Variants in EYA1 observed in about 807,000 individuals in gnomAD.
The protein encoded by EYA1 is protein phosphatase EYA1.
EYA1 carries 16 observed loss-of-function variants against 82.0 expected under a neutral mutation model. The ratio of observed to expected loss-of-function variants is 0.20; its 90% CI spans 0.13 to 0.30. EYA1 has a LOEUF of 0.30. EYA1 is among the 10% of genes least tolerant of loss of function. The pLI is 1.00. For missense variants in EYA1, 633 were observed against 730.7 expected (o/e 0.87, Z 1.54); for synonymous variants, 261 against 264.4 (o/e 0.99, Z 0.12).
At chr8:71,317,444 A>C in intron 7 of EYA1, 108 bp downstream of exon 7, 1 of 1,204,970 alleles carries the variant, frequency 8.3e-7, no homozygotes, top group South Asian at 1.2e-5. Context: ...TCTAAGCCCA[A>C]TCCAGTTGCC....
At chr8:71,350,830 A>G (rs941526090) in intron 3 of EYA1, among the ~76,000 whole-genome samples, 5 of 152,204 alleles carry the variant, frequency 3.3e-5, no homozygotes, top group African/African-American at 4.8e-5. Context: ...TGGACTTAAG[A>G]CAACCAGCGA....
intron 2 of EYA1, among the ~76,000 whole-genome samples, chr8:71,496,778 G>T (rs538675806): frequency 6.6e-6 from 1 of 152,058 alleles, no homozygotes; most frequent in African/African-American, 2.4e-5. Context: ...AGGAACCATG[G>T]GGAAACCAAT....
intron 12 of EYA1, among the ~76,000 whole-genome samples, chr8:71,236,467 G>A (rs1224430765): frequency 6.6e-6 from 1 of 152,030 alleles, no homozygotes; most frequent in Admixed American, 6.6e-5. Context: ...ACAATAAATT[G>A]TCTTAAAACA....
chr8:71,517,770 G>GAT (rs1260336663), intron 2 of EYA1, among the ~76,000 whole-genome samples: 2 of 148,596 alleles, frequency 1.3e-5, no homozygotes, highest in South Asian at 4.2e-4. Flanking sequence ...ATAATTTGGA[G>GAT]ATATATATAT....
At chr8:71,503,272 G>C (rs531562731) in intron 2 of EYA1, among the ~76,000 whole-genome samples, 1 of 152,138 alleles carries the variant, frequency 6.6e-6, no homozygotes, top group East Asian at 1.9e-4. Flanking sequence ...GAGGCAGGTG[G>C]ATCACGAGGT....
At chr8:71,246,810 G>A (rs1813150718) in intron 11 of EYA1, among the ~76,000 whole-genome samples, 1 of 152,180 alleles carries the variant, frequency 6.6e-6, no homozygotes, top group African/African-American at 2.4e-5. Flanking sequence ...TGGGAGCGGA[G>A]CCTTGCTGGG....
intron 11 of EYA1, among the ~76,000 whole-genome samples, chr8:71,249,677 A>T (rs1300187592): frequency 6.6e-6 from 1 of 152,110 alleles, no homozygotes. Context: ...TCCATCTCTC[A>T]TTCTGTTCAG....
At chr8:71,463,799 G>A (rs1808586104) in intron 2 of EYA1, among the ~76,000 whole-genome samples, 1 of 151,900 alleles carries the variant, frequency 6.6e-6, no homozygotes, top group African/African-American at 2.4e-5. Flanking sequence ...CATTCCCTTG[G>A]ACCGTTGCTG....
chr8:71,442,252 G>A (rs748702349), intron 2 of EYA1, among the ~76,000 whole-genome samples: 31 of 152,142 alleles, frequency 2.0e-4, no homozygotes, highest in African/African-American at 5.1e-4. Context: ...TCTTCCAATA[G>A]CTCTCTGAGG....
chr8:71,254,071 T>C lies in EYA1; in HGVS notation c.1051-9379A>G, dbSNP rs79945040. On this transcript the variant is annotated intron_variant, in intron 11 of 17. Transcript: ENST00000340726. ...TGTGGTTCATAAAACTTCCAAACTC[T>C]TGAGTTTTCTTCTTCTTAGTCAACC... is the stretch of plus-strand genomic sequence containing the variant. Among the ~76,000 whole-genome samples, 114 of 152,058 alleles carry C rather than the reference T, an allele frequency of 7.5e-4. 1 individual carries two copies. Among genetic ancestry groups the C allele is most frequent in the African/African-American group, 2.6e-3 (108 of 41,504 alleles).
rs189128333 is a variant in EYA1, at chr8:71,310,416, C to A, written c.556+7136G>T. 5.3e-5 allele frequency among the ~76,000 whole-genome samples: 8 copies of A among 152,216 alleles called. No individual in the cohort carries two copies. In the East Asian group the frequency reaches 1.5e-3, roughly 29 times the overall value. ...TTCCTGATCCTCTCTGTCTTCCCACCCTTCGTTCTCTGACAGGTCCCAGTG... is the reference window on the plus strand; with the variant it reads ...TTCCTGATCCTCTCTGTCTTCCCACACTTCGTTCTCTGACAGGTCCCAGTG... On this transcript the variant is annotated intron_variant, in intron 7 of 17. Coordinates refer to ENST00000340726, the MANE Select transcript of EYA1 (RefSeq NM_000503.6).
At chr8:71,547,310 G>A (rs1295824450) in intron 1 of EYA1, among the ~76,000 whole-genome samples, 1 of 152,112 alleles carries the variant, frequency 6.6e-6, no homozygotes, top group Non-Finnish European at 1.5e-5. Context: ...ATCATATCAG[G>A]CCAAGAGGAC....
At chr8:71,366,737 G>A (rs1827778747), upstream of EYA1, among the ~76,000 whole-genome samples, 1 of 152,104 alleles carries the variant, frequency 6.6e-6, no homozygotes, top group Admixed American at 6.5e-5. Flanking sequence ...AAATATGAGT[G>A]ATTTTTTCCC....
chr8:71,371,782 C>A (rs1046747095), intron 2 of EYA1, among the ~76,000 whole-genome samples: 2 of 151,748 alleles, frequency 1.3e-5, no homozygotes, highest in Non-Finnish European at 2.9e-5. Flanking sequence ...GATAAGAAAA[C>A]AATAATTATT....
intron 7 of EYA1, among the ~76,000 whole-genome samples, chr8:71,303,725 C>T (rs994257123): frequency 6.3e-5 from 9 of 142,784 alleles, no homozygotes; most frequent in African/African-American, 2.2e-4. Flanking sequence ...ATACAAATAT[C>T]CCCAGAGTGC....
At chr8:71,533,828 T>G (rs951459371) in intron 2 of EYA1, among the ~76,000 whole-genome samples, 1 of 152,194 alleles carries the variant, frequency 6.6e-6, no homozygotes, top group Non-Finnish European at 1.5e-5. Context: ...ACACAGTGTT[T>G]GCCTATGAGA....
chr8:71,416,645 A>G (rs189994331), intron 2 of EYA1, among the ~76,000 whole-genome samples: 2 of 152,262 alleles, frequency 1.3e-5, no homozygotes, highest in African/African-American at 4.8e-5. Flanking sequence ...GACTTCAAAT[A>G]TTATCTATAA....
At chr8:71,373,402 T>C (rs1410628960) in intron 2 of EYA1, among the ~76,000 whole-genome samples, 1 of 152,046 alleles carries the variant, frequency 6.6e-6, no homozygotes, top group Non-Finnish European at 1.5e-5. Context: ...TCAAAAAGAA[T>C]GAAATGCTTA....
intron 2 of EYA1, among the ~76,000 whole-genome samples, chr8:71,482,840 A>T (rs1460307971): frequency 5.3e-5 from 8 of 152,138 alleles, no homozygotes; most frequent in Non-Finnish European, 5.9e-5. Flanking sequence ...ACACAAAACA[A>T]ATCTATTGGT....
Sources: gnomAD v4.1 joint callset for allele counts (sites outside exome capture counted in the v4.1 genomes callset) on GRCh38, gnomAD v4.1.1 for gene constraint, MANE v1.5 for transcripts, NCBI Gene and HGNC (gene_info 2026-07-23, HGNC 2026-07-21) for gene names.